The following PCDHA1 variants were observed in gnomAD, a reference collection of about 807,000 sequenced individuals.
PCDHA1 encodes protocadherin alpha 1.
A neutral mutation model predicts 61.3 loss-of-function variants in PCDHA1; 42 were observed. That is an observed-to-expected ratio of 0.69 (90% CI 0.54 to 0.89). The LOEUF is 0.89. PCDHA1 is among the 40% of genes least tolerant of loss of function. The pLI is 0.00. For synonymous variants in PCDHA1, 610 were observed against 553.8 expected (o/e 1.10, Z -1.43); for missense variants, 1,256 against 1,235.3 (o/e 1.02, Z -0.25).
At chr5:140,862,914 T>G (rs1324923018) in intron 1 of PCDHA1, 1 of 548,316 alleles carries the variant, frequency 1.8e-6, no homozygotes, top group African/African-American at 2.0e-5. Flanking sequence ...TGCTGGCGCC[T>G]TGGGTGGGCT....
At chr5:140,796,787 C>A in intron 1 of PCDHA1, 1 of 1,614,132 alleles carries the variant, frequency 6.2e-7, no homozygotes, top group East Asian at 2.2e-5. Flanking sequence ...GCGTGGCTTT[C>A]GTACGAGCTT....
chr5:140,833,524 A>G (rs1772501533), intron 1 of PCDHA1, among the ~76,000 whole-genome samples: 1 of 152,220 alleles, frequency 6.6e-6, no homozygotes, highest in South Asian at 2.1e-4. Context: ...TATTCATAAC[A>G]CACAAGTGTT....
chr5:140,967,966 G>A, intron 1 of PCDHA1: 1 of 1,614,214 alleles, frequency 6.2e-7, no homozygotes, highest in African/African-American at 1.3e-5. Context: ...ACCGGAAAGT[G>A]AGCCTGGGTC....
At chr5:140,878,993 G>A (rs369200128) in intron 1 of PCDHA1, among the ~76,000 whole-genome samples, 70 of 152,306 alleles carry the variant, frequency 4.6e-4, no homozygotes, top group African/African-American at 1.7e-3. Context: ...AGAAATGAGA[G>A]TATGCCCTAG....
intron 1 of PCDHA1, among the ~76,000 whole-genome samples, chr5:140,938,308 T>C (rs1468853140): frequency 6.6e-6 from 1 of 152,212 alleles, no homozygotes; most frequent in Admixed American, 6.5e-5. Context: ...AAATTCAGTA[T>C]AAAATTGAAT....
In PCDHA1 at chr5:141,010,797, AC is replaced by A. The variant is rs1329759215; in HGVS notation, c.*864del. Reference sequence around the variant, plus strand: ...AATACTTATGCAAAAGCAAAAGAAAACCCCGACACCTCACCTTTCGCTGTTT... The same window carrying A: ...AATACTTATGCAAAAGCAAAAGAAAACCCGACACCTCACCTTTCGCTGTTT... On this transcript the variant is annotated 3_prime_UTR_variant, in exon 4 of 4. Transcript: ENST00000504120. The A allele has an allele frequency of 6.5e-6, 1 of 153,778 alleles. No homozygotes were observed. The highest frequency in any genetic ancestry group is 2.4e-5 in the African/African-American group (1 of 41,460). 9.5% of individuals were successfully genotyped at this position (153,778 alleles called of 1,614,324 possible).
intron 1 of PCDHA1, among the ~76,000 whole-genome samples, chr5:140,838,153 G>A (rs2150285429): frequency 3.7e-5 from 5 of 135,362 alleles, no homozygotes; most frequent in Admixed American, 1.5e-4. Flanking sequence ...TTACTCTGTC[G>A]CCCTCTCTGG....
At chr5:140,798,851 A>T (rs1014896613) in intron 1 of PCDHA1, among the ~76,000 whole-genome samples, 1 of 152,224 alleles carries the variant, frequency 6.6e-6, no homozygotes, top group African/African-American at 2.4e-5. Flanking sequence ...TAACTGTCTT[A>T]AACGGTCCTC....
At position 140,852,910 on chromosome 5, in the gene PCDHA1, G is replaced by A. The variant is rs2150524838; in HGVS notation, c.2394+64226G>A. On this transcript the variant is annotated intron_variant, in intron 1 of 3. Transcript: ENST00000504120. The stretch of plus-strand genomic sequence containing the variant: ...ATTTTTTTTTTTGAGTCAGAGTCTC[G>A]CTCTGTTGCCCAGGCTGGAGTGCAG... 89 of 797,098 alleles carry A rather than the reference G, an allele frequency of 1.1e-4. 6 individuals carry two copies. Among genetic ancestry groups the A allele is most frequent in the Non-Finnish European group, 1.3e-4 (84 of 645,392 alleles). The allele number at this position is 797,098 out of a possible 1,614,324, so 49.4% of individuals were successfully genotyped here. A position where few individuals can be genotyped will look rare whatever the true frequency, so the allele number is the denominator to read the frequency against.
chr5:140,862,365 G>C, intron 1 of PCDHA1: 1 of 337,898 alleles, frequency 3.0e-6, no homozygotes, highest in South Asian at 2.4e-5. Flanking sequence ...CAGACGACCC[G>C]CACCCTGACT....
intron 1 of PCDHA1, among the ~76,000 whole-genome samples, chr5:140,930,720 A>T (rs574022781): frequency 5.3e-5 from 8 of 152,226 alleles, no homozygotes; most frequent in Non-Finnish European, 8.8e-5. Flanking sequence ...TCAAGTAATG[A>T]TGTTAACTGC....
chr5:140,842,093 G>A lies in PCDHA1; in HGVS notation c.2394+53409G>A, dbSNP rs145495287. On this transcript the variant is annotated intron_variant, in intron 1 of 3. Coordinates refer to ENST00000504120, the MANE Select transcript of PCDHA1 (RefSeq NM_018900.4). ...AAGAATATTCGAAAACGCAGACAAC[G>A]GAACAACAGTTATCAAACTGAATGC... The A allele has an allele frequency of 1.2e-5, 20 of 1,613,732 alleles. No homozygotes were observed. In the African/African-American group the frequency reaches 2.4e-4, roughly 19 times the overall value.
At chr5:140,943,547 C>T (rs1376489824) in intron 1 of PCDHA1, among the ~76,000 whole-genome samples, 20 of 152,104 alleles carry the variant, frequency 1.3e-4, no homozygotes, top group African/African-American at 4.6e-4. Context: ...TGTAAATAGA[C>T]GTAGACAATA....
chr5:140,806,759 C>G (rs544027131), intron 1 of PCDHA1, among the ~76,000 whole-genome samples: 1 of 152,074 alleles, frequency 6.6e-6, no homozygotes, highest in Non-Finnish European at 1.5e-5. Context: ...ATAGTTAGGT[C>G]TCTGTAATAC....
At chr5:140,790,987 G>C (rs1554118610) in intron 1 of PCDHA1, among the ~76,000 whole-genome samples, 2 of 152,130 alleles carry the variant, frequency 1.3e-5, no homozygotes, top group African/African-American at 4.8e-5. Flanking sequence ...ATTTCCCATT[G>C]GTAGTTAAAG....
intron 1 of PCDHA1, chr5:140,967,561 G>T: frequency 6.2e-7 from 1 of 1,614,076 alleles, no homozygotes; most frequent in Non-Finnish European, 8.5e-7. Flanking sequence ...ATCGCGTCCA[G>T]CTACGGGAGG....
chr5:140,830,218 C>A, intron 1 of PCDHA1: 2 of 1,613,882 alleles, frequency 1.2e-6, no homozygotes, highest in Non-Finnish European at 1.7e-6. Context: ...CGGTATCCAG[C>A]CTGCTGGTCC....
At chr5:140,836,780 T>G in intron 1 of PCDHA1, 1 of 1,484,830 alleles carries the variant, frequency 6.7e-7, no homozygotes, top group East Asian at 2.3e-5. Flanking sequence ...TTTAAAACAA[T>G]TAGTTCAATT....
chr5:140,875,949 T>G (rs1306170767), intron 1 of PCDHA1: 3 of 1,614,214 alleles, frequency 1.9e-6, no homozygotes, highest in East Asian at 4.5e-5. Flanking sequence ...GCGCTTCTGA[T>G]GCGGATATCG....
Sources: gnomAD v4.1 joint callset for allele counts (sites outside exome capture counted in the v4.1 genomes callset) on GRCh38, gnomAD v4.1.1 for gene constraint, MANE v1.5 for transcripts, NCBI Gene and HGNC (gene_info 2026-07-23, HGNC 2026-07-21) for gene names.